Variants in SLC22A6 observed in about 807,000 individuals in gnomAD.
The protein encoded by SLC22A6 is PAH transporter.
In SLC22A6, 45 loss-of-function variants were observed where a neutral mutation model predicts 56.7. The observed-to-expected ratio is 0.79, with a 90% CI of 0.63 to 1.02. The LOEUF (loss-of-function observed/expected upper bound fraction) is 1.02. SLC22A6 is among the 50% of genes least tolerant of loss of function. The pLI, the probability that SLC22A6 is intolerant of heterozygous loss-of-function variation, is 0.00. For synonymous variants in SLC22A6, 291 were observed against 295.9 expected (o/e 0.98, Z 0.17); for missense variants, 606 against 713.8 (o/e 0.85, Z 1.72).
At position 62,983,396 on chromosome 11, in the gene SLC22A6, T is replaced by C. The variant is rs2086277298; in HGVS notation, c.628+141A>G. 1.2e-6 allele frequency: 1 copy of C among 835,282 alleles called. No homozygotes were observed. The highest frequency in any genetic ancestry group is 2.7e-5 in the Admixed American group (1 of 36,478). The allele number at this position is 835,282 out of a possible 1,614,324, so 51.7% of individuals were successfully genotyped here. A position where few individuals can be genotyped will look rare whatever the true frequency, so the allele number is the denominator to read the frequency against. ...AGGGCGGCATGAGCCTGAGAAAAGG[T>C]TGTTCTATTGGCAGGAAGGTGAGAC... On this transcript the variant is annotated intron_variant, in intron 3 of 9. Transcript: ENST00000360421. The surrounding 1 kb of genome is among the most constrained non-coding windows in gnomAD (Gnocchi z 4.5).
At chr11:62,984,153 G>C (rs1410760574) in intron 1 of SLC22A6, 106 bp from the exon 2 acceptor site, 67 of 1,189,916 alleles carry the variant, frequency 5.6e-5, no homozygotes, top group Non-Finnish European at 7.7e-5. Context: ...CTCTTCCTCC[G>C]GCACTTTGCC....
At chr11:62,982,576 C>T (rs2086268215) in intron 3 of SLC22A6, among the ~76,000 whole-genome samples, 1 of 152,226 alleles carries the variant, frequency 6.6e-6, no homozygotes, top group Admixed American at 6.5e-5. Flanking sequence ...GGCTCTAGCC[C>T]AGTCCCGGTT....
chr11:62,979,409 C>T, intron 8 of SLC22A6, 79 bp downstream of exon 8: 1 of 1,010,002 alleles, frequency 9.9e-7, no homozygotes, highest in Non-Finnish European at 1.6e-6. Context: ...CTTGATTTAG[C>T]TCTGGGGTCT....
chr11:62,976,984 C>T, intron 9 of SLC22A6, 103 bp from the exon 10 acceptor site: 1 of 1,502,586 alleles, frequency 6.7e-7, no homozygotes, highest in Admixed American at 1.7e-5. Flanking sequence ...GCCTGGACAC[C>T]TGCTCTCTGC....
chr11:62,977,358 A>G lies in SLC22A6; in HGVS notation c.1391T>C (p.Met464Thr), dbSNP rs780546273. The G allele has an allele frequency of 1.2e-6, 2 of 1,612,016 alleles. No homozygotes were observed. The highest frequency in any genetic ancestry group is 1.7e-5 in the Admixed American group (1 of 60,004). ...RQTGMGMGST[M>T]ARVGSIVSPL... ...GCTCACGATGCTGCCCACTCGGGCCATGGTGCTGCCCATTCCCATGCCTGT... is the reference window on the plus strand; with the variant it reads ...GCTCACGATGCTGCCCACTCGGGCCGTGGTGCTGCCCATTCCCATGCCTGT... Residue 464 changes from methionine to threonine, a missense_variant, in exon 9 of 10, where the codon ATG becomes ACG. Met to Thr is a moderately conservative substitution (Grantham distance 81). Transcript: ENST00000360421.
chr11:62,982,156 G>A (rs913780129), intron 3 of SLC22A6, 146 bp from the exon 4 acceptor site: 4 of 723,182 alleles, frequency 5.5e-6, no homozygotes, highest in Non-Finnish European at 6.7e-6. Context: ...TGGGAGTGGG[G>A]GAATTTCAGT....
chr11:62,983,814 A>G lies in SLC22A6; in HGVS notation c.474-123T>C, dbSNP rs2135101388. 8.3e-7 allele frequency: 1 copy of G among 1,197,836 alleles called. No individual in the cohort carries two copies. The highest frequency in any genetic ancestry group is 1.2e-6 in the Non-Finnish European group (1 of 854,756). 74.2% of individuals were successfully genotyped at this position (1,197,836 alleles called of 1,614,324 possible). ...GGGGCCTTTTGAGGACCTCTGAAGT[A>G]TGAGGCTGGTGCTGTAGATCCTCAA... is the stretch of plus-strand genomic sequence containing the variant. On this transcript the variant is annotated intron_variant, in intron 2 of 9. Transcript: ENST00000360421. This position sits in a 1 kb window ranked among gnomAD's most constrained non-coding sequence, Gnocchi z 4.5.
chr11:62,977,225 C>T lies in SLC22A6; in HGVS notation c.1524G>A (p.Leu508=), dbSNP rs1432245505. 1 of 1,614,076 alleles carries T rather than the reference C, an allele frequency of 6.2e-7. No individual in the cohort carries two copies. Among genetic ancestry groups the T allele is most frequent in the African/African-American group, 1.3e-5 (1 of 74,940 alleles). The stretch of plus-strand genomic sequence containing the variant: ...GCACCGTGTCTGGCAGTGGCTGGCC[C>T]AGGGTCTCTGGCAGGAGGACAGTGA... ...SAVTVLLPET[L]GQPLPDTVQD... is the part of the protein sequence containing the mutation. Residue 508 remains leucine (L), a synonymous_variant, in exon 9 of 10, where the codon CTG becomes CTA. Coordinates refer to ENST00000360421, the MANE Select transcript of SLC22A6 (RefSeq NM_153276.3).
At chr11:62,979,467 T>C in intron 8 of SLC22A6, 21 bp downstream of exon 8, 2 of 1,447,344 alleles carry the variant, frequency 1.4e-6, no homozygotes, top group Non-Finnish European at 1.9e-6. Flanking sequence ...GCTGTCATTC[T>C]CCCATTAGGC....
chr11:62,979,043 A>T (rs902887883), intron 8 of SLC22A6, among the ~76,000 whole-genome samples: 1 of 152,232 alleles, frequency 6.6e-6, no homozygotes, highest in African/African-American at 2.4e-5. Context: ...TACTATATTT[A>T]TTCCTATTGC....
chr11:62,984,610 G>T lies in SLC22A6; in HGVS notation c.81C>A (p.Pro27=), dbSNP rs753860246. 4 of 1,613,660 alleles carry T rather than the reference G, an allele frequency of 2.5e-6. No homozygotes were observed. The highest frequency in any genetic ancestry group is 3.4e-6 in the Non-Finnish European group (4 of 1,179,850). ...TGTTGTGAGAAGCCATCAGGAGCAG[G>T]GGGAGGACCACCAGGGTGACCTGGA... ...QQIQVTLVVL[P]LLLMASHNTL... is the part of the protein sequence containing the mutation. Residue 27 remains proline, a synonymous_variant, in exon 1 of 10, where the codon CCC becomes CCA. Coordinates refer to ENST00000360421, the MANE Select transcript of SLC22A6 (RefSeq NM_153276.3).
chr11:62,984,073 G>A (rs2086288023), intron 1 of SLC22A6, 26 bp from the exon 2 acceptor site: 2 of 1,502,912 alleles, frequency 1.3e-6, no homozygotes, highest in Non-Finnish European at 1.8e-6. Context: ...CAAGGGTCAG[G>A]CAGAGATGAG....
Position 62,981,277 on chromosome 11 carries a change from C to T in SLC22A6, c.904G>A (p.Ala302Thr). 1 of 1,609,462 alleles carries T rather than the reference C, an allele frequency of 6.2e-7. No individual in the cohort carries two copies. Among genetic ancestry groups the T allele is most frequent in the Non-Finnish European group, 8.5e-7 (1 of 1,178,144 alleles). ...GATCTCACCTCCATACTCAATTTGG[C>T]TCCTTCTTCCCGCTTCCCATTGATC... Reference protein sequence around the residue: ...ARINGKREEGAKLSMEVLRAS... With the variant: ...ARINGKREEGTKLSMEVLRAS... Residue 302 changes from alanine (A) to threonine (T), a missense_variant, in exon 5 of 10, where the codon GCC becomes ACC. Physicochemically the swap from Ala to Thr is moderately conservative, Grantham distance 58. Coordinates refer to ENST00000360421, the MANE Select transcript of SLC22A6 (RefSeq NM_153276.3).
Position 62,984,358 on chromosome 11 carries a change from A to G in SLC22A6, c.333T>C (p.Tyr111=), listed in dbSNP as rs756195374. ...TGGTAGATGGGAAGGTGCTGTTGTC[A>G]TAGATCCAGCCATCGGTGCAGGGCT... ...ATEPCTDGWI[Y]DNSTFPSTIV... is the part of the protein sequence containing the mutation. The change falls in exon 1 of 10, where the codon TAT becomes TAC. Residue 111 remains tyrosine, a synonymous_variant. Coordinates refer to ENST00000360421, the MANE Select transcript of SLC22A6 (RefSeq NM_153276.3). 1.9e-6 allele frequency: 3 copies of G among 1,613,310 alleles called. No individual in the cohort carries two copies. Among genetic ancestry groups the G allele is most frequent in the Non-Finnish European group, 2.5e-6 (3 of 1,179,936 alleles).
chr11:62,984,772 C>A lies in SLC22A6; in HGVS notation c.-82G>T. The A allele has an allele frequency of 1.4e-6, 2 of 1,464,466 alleles. No individual in the cohort carries two copies. The highest frequency in any genetic ancestry group is 1.8e-6 in the Non-Finnish European group (2 of 1,098,986). The allele number at this position is 1,464,466 out of a possible 1,614,324, so 90.7% of individuals were successfully genotyped here. On this transcript the variant is annotated 5_prime_UTR_variant, in exon 1 of 10. Transcript: ENST00000360421. ...GTCTGTCTGCCTGCCTGCTGTCCTTCGCTGGAGGAGCAGCACTGCCGTTGC... is the reference window on the plus strand; with the variant it reads ...GTCTGTCTGCCTGCCTGCTGTCCTTAGCTGGAGGAGCAGCACTGCCGTTGC...
At chr11:62,981,122 A>C (rs766549276) in intron 5 of SLC22A6, 22 bp from the exon 6 acceptor site, 26 of 1,608,700 alleles carry the variant, frequency 1.6e-5, no homozygotes, top group Non-Finnish European at 2.2e-5. Context: ...GGCAGAGCTC[A>C]GGGCCCGGGA....
At chr11:62,981,408 G>GGACT in intron 4 of SLC22A6, 25 bp from the exon 5 acceptor site, 1 of 1,303,872 alleles carries the variant, frequency 7.7e-7, no homozygotes, top group Non-Finnish European at 1.0e-6. Flanking sequence ...GGGGGTGGGT[G>GGACT]TCAGCATGGC....
rs1205199569 is a variant in SLC22A6 at position 62,983,079 on chromosome 11, C to G, written c.628+458G>C. ...TTTTTTTTTGAGACAGAGTCTCGCT[C>G]TATTGCCCAGGCTGGAGTGCAGTGG... On this transcript the variant is annotated intron_variant, in intron 3 of 9. Coordinates refer to ENST00000360421, the MANE Select transcript of SLC22A6 (RefSeq NM_153276.3). The surrounding 1 kb of genome is among the most constrained non-coding windows in gnomAD (Gnocchi z 4.5). Among the ~76,000 whole-genome samples the G allele has an allele frequency of 6.6e-6, 1 of 150,666 alleles. No homozygotes were observed. The highest frequency in any genetic ancestry group is 1.5e-5 in the Non-Finnish European group (1 of 67,880).
chr11:62,984,195 A>T, intron 1 of SLC22A6, 127 bp downstream of exon 1: 2 of 1,320,842 alleles, frequency 1.5e-6, no homozygotes, highest in Non-Finnish European at 2.1e-6. Flanking sequence ...AGCTGAGAGC[A>T]TTTTTCTTTT....
Sources: allele counts gnomAD v4.1 joint callset (sites outside exome capture counted in the v4.1 genomes callset), GRCh38; gene constraint gnomAD v4.1.1; non-coding constraint Gnocchi (gnomAD v3.1); transcripts MANE v1.5; gene names NCBI Gene and HGNC (gene_info 2026-07-23, HGNC 2026-07-21).